The following NRXN1 variants were observed in gnomAD, a reference collection of about 807,000 sequenced individuals.
NRXN1 encodes neurexin 1, also known as neurexin-1.
Under a neutral mutation model 150.9 loss-of-function variants are expected in NRXN1, and 39 were observed. The ratio of observed to expected loss-of-function variants is 0.26; its 90% CI spans 0.20 to 0.34. The LOEUF (loss-of-function observed/expected upper bound fraction) is 0.34, where lower values mean the gene tolerates loss of function less well. NRXN1 is among the 10% of genes least tolerant of loss of function. The probability of loss-of-function intolerance (pLI) is 1.00; values close to 1 mark genes in which losing one functional copy is unlikely to be tolerated. For missense variants in NRXN1, 1,815 were observed against 1,949.9 expected (o/e 0.93, Z 1.30); for synonymous variants, 924 against 757.0 (o/e 1.22, Z -3.62).
intron 5 of NRXN1, chr2:50,696,148 T>C (rs964252719): frequency 6.6e-6 from 1 of 151,826 alleles, no homozygotes; most frequent in African/African-American, 2.4e-5. Flanking sequence ...CAGTCGACTA[T>C]GGAAATTTTA....
intron 18 of NRXN1, among the ~76,000 whole-genome samples, chr2:50,217,578 C>T (rs1223832369): frequency 6.6e-6 from 1 of 151,822 alleles, no homozygotes; most frequent in Non-Finnish European, 1.5e-5. Flanking sequence ...GATCATGTTT[C>T]AGAAATGCCT....
intron 5 of NRXN1, among the ~76,000 whole-genome samples, chr2:50,899,756 G>T (rs2103938710): frequency 6.6e-6 from 1 of 152,280 alleles, no homozygotes; most frequent in Non-Finnish European, 1.5e-5. Flanking sequence ...TTTCTTTGAT[G>T]TAACCCCATG....
chr2:50,942,380 C>G (rs1182311714), intron 2 of NRXN1, among the ~76,000 whole-genome samples: 1 of 152,186 alleles, frequency 6.6e-6, no homozygotes, highest in African/African-American at 2.4e-5. Flanking sequence ...AAGGCAGCTA[C>G]TCCAGACCCC....
chr2:50,450,701 G>A (rs780952242), intron 17 of NRXN1, among the ~76,000 whole-genome samples: 1 of 152,064 alleles, frequency 6.6e-6, no homozygotes, highest in Non-Finnish European at 1.5e-5. Context: ...ATGCTTTCAC[G>A]CTGTTTCTCA....
intron 17 of NRXN1, among the ~76,000 whole-genome samples, chr2:50,265,380 A>G (rs552557603): frequency 6.6e-6 from 1 of 152,246 alleles, no homozygotes; most frequent in African/African-American, 2.4e-5. Context: ...AACTCTCTCT[A>G]CATATATTAT....
chr2:50,442,426 C>T (rs2086037451), intron 17 of NRXN1, among the ~76,000 whole-genome samples: 1 of 152,036 alleles, frequency 6.6e-6, no homozygotes, highest in Admixed American at 6.5e-5. Context: ...ACCTATACAC[C>T]TATTGCTGAA....
chr2:50,280,077 G>A (rs1447744926), intron 17 of NRXN1, among the ~76,000 whole-genome samples: 1 of 151,924 alleles, frequency 6.6e-6, no homozygotes, highest in African/African-American at 2.4e-5. Flanking sequence ...AAGAAATCGA[G>A]ACCACCCTGG....
intron 19 of NRXN1, among the ~76,000 whole-genome samples, chr2:50,068,451 T>A (rs1214153070): frequency 6.6e-6 from 1 of 152,214 alleles, no homozygotes; most frequent in Non-Finnish European, 1.5e-5. Flanking sequence ...AAAGTAATTA[T>A]CCTGTGGTCA....
intron 17 of NRXN1, among the ~76,000 whole-genome samples, chr2:50,239,575 G>A (rs1235796651): frequency 6.9e-6 from 1 of 145,794 alleles, no homozygotes; most frequent in Non-Finnish European, 1.5e-5. Context: ...AGGAAATTTA[G>A]TCATAAAGAT....
chr2:50,150,008 G>C (rs569968061), intron 18 of NRXN1, among the ~76,000 whole-genome samples: 64 of 151,732 alleles, frequency 4.2e-4, no homozygotes, highest in African/African-American at 1.5e-3. Context: ...GTTTAAATTT[G>C]GTCCAAGACT....
intron 17 of NRXN1, among the ~76,000 whole-genome samples, chr2:50,258,385 A>T (rs1454445528): frequency 6.6e-6 from 1 of 152,010 alleles, no homozygotes; most frequent in Non-Finnish European, 1.5e-5. Flanking sequence ...ATCTCATGAA[A>T]CCACATTTTT....
At chr2:50,332,936 A>G (rs1227248094) in intron 17 of NRXN1, among the ~76,000 whole-genome samples, 1 of 152,228 alleles carries the variant, frequency 6.6e-6, no homozygotes. Flanking sequence ...AAATTAAACC[A>G]TCACACTAAC....
At chr2:50,937,497 T>A in intron 2 of NRXN1, among the ~76,000 whole-genome samples, 1 of 152,100 alleles carries the variant, frequency 6.6e-6, no homozygotes, top group East Asian at 1.9e-4. Flanking sequence ...ACACCAGATG[T>A]AAGGAACTCA....
In NRXN1 at chr2:50,300,749, G is replaced by C. The variant is rs568957063; in HGVS notation, c.3365-63779C>G. Among the ~76,000 whole-genome samples the C allele has an allele frequency of 2.6e-5, 4 of 152,276 alleles. No homozygotes were observed. In the East Asian group the frequency reaches 7.7e-4, roughly 29 times the overall value. On this transcript the variant is annotated intron_variant, in intron 17 of 22. Transcript: ENST00000401669. ...CTTGCTCTGTCACCCAGGCTGGAGT[G>C]CAATGGCACTATCTTGGCTCACTGC...
At chr2:50,133,982 A>C (rs1388842876) in intron 18 of NRXN1, among the ~76,000 whole-genome samples, 8 of 152,172 alleles carry the variant, frequency 5.3e-5, no homozygotes, top group Non-Finnish European at 7.3e-5. Flanking sequence ...CCCCAGGAGC[A>C]GATGCATCTC....
At chr2:51,023,527 T>G (rs1190056272) in intron 2 of NRXN1, among the ~76,000 whole-genome samples, 3 of 152,216 alleles carry the variant, frequency 2.0e-5, no homozygotes, top group Admixed American at 2.0e-4. Context: ...CAGATTTCAG[T>G]TTAATAATCA....
chr2:50,498,181 AT>A (rs2091752328), intron 13 of NRXN1, among the ~76,000 whole-genome samples: 1 of 152,118 alleles, frequency 6.6e-6, no homozygotes, highest in Admixed American at 6.6e-5. Context: ...GGAAAAAAAA[AT>A]GTGACTATAT....
chr2:50,243,104 A>G (rs557365378), intron 17 of NRXN1, among the ~76,000 whole-genome samples: 19 of 151,908 alleles, frequency 1.3e-4, no homozygotes, highest in African/African-American at 4.6e-4. Flanking sequence ...GTTCTGTTGC[A>G]CAGTAGGGTG....
intron 12 of NRXN1, among the ~76,000 whole-genome samples, chr2:50,507,325 G>T (rs1489897949): frequency 2.0e-5 from 3 of 151,768 alleles, no homozygotes; most frequent in Admixed American, 2.0e-4. Context: ...CTTCTGGCAG[G>T]TGTAGGTATA....
Sources: gnomAD v4.1 joint callset for allele counts (sites outside exome capture counted in the v4.1 genomes callset) on GRCh38, gnomAD v4.1.1 for gene constraint, MANE v1.5 for transcripts, NCBI Gene and HGNC (gene_info 2026-07-23, HGNC 2026-07-21) for gene names.